The following EPS15L1 variants were observed in gnomAD, a reference collection of about 807,000 sequenced individuals.
EPS15L1 encodes epidermal growth factor receptor pathway substrate 15 like 1.
In EPS15L1, 43 loss-of-function variants were observed where a neutral mutation model predicts 117.1. The ratio of observed to expected loss-of-function variants is 0.37; its 90% CI spans 0.29 to 0.47. The LOEUF (loss-of-function observed/expected upper bound fraction) is 0.47, where lower values mean the gene tolerates loss of function less well. Among genes scored for constraint, EPS15L1 ranks in the 20% least tolerant of loss-of-function variants. The pLI, the probability that EPS15L1 is intolerant of heterozygous loss-of-function variation, is 0.99. For synonymous variants in EPS15L1, 459 were observed against 470.5 expected (o/e 0.98, Z 0.32); for missense variants, 981 against 1,164.0 (o/e 0.84, Z 2.29).
intron 19 of EPS15L1, among the ~76,000 whole-genome samples, chr19:16,388,610 G>A (rs1196338339): frequency 2.6e-5 from 4 of 151,764 alleles, no homozygotes; most frequent in South Asian, 2.1e-4. Flanking sequence ...GGCAGATCAC[G>A]AGGTCAGAAG....
At chr19:16,392,032 T>G (rs1219230845) in intron 19 of EPS15L1, among the ~76,000 whole-genome samples, 1 of 152,138 alleles carries the variant, frequency 6.6e-6, no homozygotes, top group Non-Finnish European at 1.5e-5. Context: ...GAACTATGGG[T>G]GACATCCTCC....
intron 16 of EPS15L1, among the ~76,000 whole-genome samples, chr19:16,396,168 A>G (rs892461125): frequency 1.6e-4 from 25 of 152,232 alleles, no homozygotes; most frequent in African/African-American, 4.8e-4. Context: ...AATAATGTTT[A>G]ATACTGGTTC....
chr19:16,399,225 T>C (rs761096767), intron 16 of EPS15L1, among the ~76,000 whole-genome samples: 3 of 152,094 alleles, frequency 2.0e-5, no homozygotes, highest in Non-Finnish European at 4.4e-5. Flanking sequence ...GGGTAACTAA[T>C]AGTGGTTTTG....
At position 16,379,614 on chromosome 19, in the gene EPS15L1, CG is replaced by C. The variant is rs1198683271; in HGVS notation, c.2248-2361del. Among the ~76,000 whole-genome samples, 56 of 152,126 alleles carry C rather than the reference CG, an allele frequency of 3.7e-4. 1 individual carries two copies. The highest frequency in any genetic ancestry group is 1.3e-3 in the African/African-American group (53 of 41,440). ...CCGATGCAGCTGACTAAGGCTCCAGCGTCTAGTCACACTGACACGGCCATCT... is the reference window on the plus strand; with the variant it reads ...CCGATGCAGCTGACTAAGGCTCCAGCTCTAGTCACACTGACACGGCCATCT... On this transcript the variant is annotated intron_variant, in intron 21 of 23. Coordinates refer to ENST00000455140, the MANE Select transcript of EPS15L1 (RefSeq NM_001258374.3).
chr19:16,455,888 T>TC (rs1386747402), intron 1 of EPS15L1, among the ~76,000 whole-genome samples: 1 of 151,788 alleles, frequency 6.6e-6, no homozygotes, highest in African/African-American at 2.4e-5. Context: ...GCTACTGACC[T>TC]CCCCCCACCC....
At position 16,404,881 on chromosome 19, in the gene EPS15L1, G is replaced by T; in HGVS notation, c.1267-132C>A. On this transcript the variant is annotated intron_variant, in intron 13 of 23. Transcript: ENST00000455140. The surrounding 1 kb of genome is among the most constrained non-coding windows in gnomAD (Gnocchi z 4.2). ...CCCACTGTGACCGTGCTCAGGGCCA[G>T]CATTCCGTGCACACCCACGGCCAAT... 1.1e-6 allele frequency: 1 copy of T among 945,212 alleles called. No individual in the cohort carries two copies. The highest frequency in any genetic ancestry group is 1.6e-6 in the Non-Finnish European group (1 of 620,690). The allele number at this position is 945,212 out of a possible 1,614,324, so 58.6% of individuals were successfully genotyped here. A position where few individuals can be genotyped will look rare whatever the true frequency, so the allele number is the denominator to read the frequency against.
chr19:16,398,443 C>G (rs1390440346), intron 16 of EPS15L1, among the ~76,000 whole-genome samples: 1 of 152,160 alleles, frequency 6.6e-6, no homozygotes, highest in East Asian at 1.9e-4. Context: ...CACACACGCC[C>G]AGCAAGCGTC....
chr19:16,419,355 A>C (rs1167674977), intron 10 of EPS15L1, among the ~76,000 whole-genome samples: 1 of 152,146 alleles, frequency 6.6e-6, no homozygotes, highest in Admixed American at 6.5e-5. Context: ...GCTGCTCAGG[A>C]GGCTGAGGCA....
intron 23 of EPS15L1, chr19:16,357,181 G>C (rs2091991928): frequency 6.6e-6 from 1 of 152,284 alleles, no homozygotes; most frequent in African/African-American, 2.4e-5. Flanking sequence ...CTAGGTCTGC[G>C]TGACAACCTG....
intron 9 of EPS15L1, among the ~76,000 whole-genome samples, 159 bp from the exon 10 acceptor site, chr19:16,421,635 G>A (rs370193867): frequency 6.6e-6 from 1 of 152,138 alleles, no homozygotes; most frequent in East Asian, 1.9e-4. Context: ...TCCTTGTTCT[G>A]TAACTGGCAA....
Position 16,471,956 on chromosome 19 carries a change from A to T in EPS15L1, c.-11T>A. 1 of 1,283,900 alleles carries T rather than the reference A, an allele frequency of 7.8e-7. No homozygotes were observed. Among genetic ancestry groups the T allele is most frequent in the Non-Finnish European group, 9.8e-7 (1 of 1,016,454 alleles). 79.5% of individuals were successfully genotyped at this position (1,283,900 alleles called of 1,614,324 possible). A position where few individuals can be genotyped will look rare whatever the true frequency, so the allele number is the denominator to read the frequency against. On this transcript the variant is annotated 5_prime_UTR_variant, in exon 1 of 24. Coordinates refer to ENST00000455140, the MANE Select transcript of EPS15L1 (RefSeq NM_001258374.3). The surrounding 1 kb of genome is among the most constrained non-coding windows in gnomAD (Gnocchi z 4.8). ...GAGCGGCGCCGCCATCTTCCCGCGG[A>T]CTCGGGCTCCGAGCGCCGGGGGAAC...
chr19:16,398,344 G>C (rs1450607499), intron 16 of EPS15L1, among the ~76,000 whole-genome samples: 1 of 152,216 alleles, frequency 6.6e-6, no homozygotes, highest in African/African-American at 2.4e-5. Context: ...AAACCAAGCC[G>C]GGTTCTTAGA....
At chr19:16,470,099 T>C (rs1015840667) in intron 1 of EPS15L1, among the ~76,000 whole-genome samples, 2 of 152,134 alleles carry the variant, frequency 1.3e-5, no homozygotes, top group Non-Finnish European at 2.9e-5. Context: ...GTCAGTGACC[T>C]GGCCAGGCGC....
intron 16 of EPS15L1, among the ~76,000 whole-genome samples, chr19:16,395,936 C>T (rs58992224): frequency 1.6e-4 from 22 of 141,130 alleles, no homozygotes; most frequent in South Asian, 4.6e-4. Flanking sequence ...TAGAGTGAGT[C>T]TATCTCAAAA....
At chr19:16,372,896 T>C (rs1042071172) in intron 22 of EPS15L1, among the ~76,000 whole-genome samples, 1 of 152,224 alleles carries the variant, frequency 6.6e-6, no homozygotes, top group East Asian at 1.9e-4. Context: ...TCTAGCAGAA[T>C]TGGCTGCCCA....
At chr19:16,441,836 CGG>C in intron 3 of EPS15L1, 54 bp downstream of exon 3, 1 of 1,426,990 alleles carries the variant, frequency 7.0e-7, no homozygotes, top group South Asian at 1.2e-5. Context: ...CCCTGACCTG[CGG>C]GGGGAGCTGT....
chr19:16,381,033 G>A lies in EPS15L1; in HGVS notation c.2248-3779C>T, dbSNP rs1050949801. ...CAGCCTACCCATTCCAGGTCCCCCCGATAAGGGCAGTGGCAGGTGCCCCCA... is the reference window on the plus strand; with the variant it reads ...CAGCCTACCCATTCCAGGTCCCCCCAATAAGGGCAGTGGCAGGTGCCCCCA... On this transcript the variant is annotated intron_variant, in intron 21 of 23. Coordinates refer to ENST00000455140, the MANE Select transcript of EPS15L1 (RefSeq NM_001258374.3). This position sits in a 1 kb window ranked among gnomAD's most constrained non-coding sequence, Gnocchi z 4.2. Among the ~76,000 whole-genome samples the A allele has an allele frequency of 1.3e-5, 2 of 152,210 alleles. No homozygotes were observed. Among genetic ancestry groups the A allele is most frequent in the Non-Finnish European group, 2.9e-5 (2 of 68,026 alleles).
intron 1 of EPS15L1, among the ~76,000 whole-genome samples, chr19:16,446,349 G>A (rs553525455): frequency 5.5e-4 from 83 of 152,264 alleles, no homozygotes; most frequent in African/African-American, 1.9e-3. Context: ...GCTGCCTCCT[G>A]CCCAAACTCT....
In EPS15L1 at chr19:16,355,584, G is replaced by T; in HGVS notation, c.*121C>A. 7.8e-7 allele frequency: 1 copy of T among 1,280,280 alleles called. No homozygotes were observed. The highest frequency in any genetic ancestry group is 1.1e-6 in the Non-Finnish European group (1 of 946,956). 79.3% of individuals were successfully genotyped at this position (1,280,280 alleles called of 1,614,324 possible). A position where few individuals can be genotyped will look rare whatever the true frequency, so the allele number is the denominator to read the frequency against. ...AGCCGAGTCTGCTCACCCTGAACAA[G>T]CCCCCGAGTCCCGGTCCTTGGAGTA... On this transcript the variant is annotated 3_prime_UTR_variant, in exon 24 of 24. Coordinates refer to ENST00000455140, the MANE Select transcript of EPS15L1 (RefSeq NM_001258374.3).
Sources: gnomAD v4.1 joint callset for allele counts (sites outside exome capture counted in the v4.1 genomes callset) on GRCh38, gnomAD v4.1.1 for gene constraint, Gnocchi (gnomAD v3.1) non-coding constraint, MANE v1.5 for transcripts, NCBI Gene and HGNC (gene_info 2026-07-23, HGNC 2026-07-21) for gene names.